The following ALG12 variants were observed in gnomAD, a reference collection of about 807,000 sequenced individuals.
ALG12 encodes dol-P-Man:Man(7)GlcNAc(2)-PP-Dol alpha-1,6-mannosyltransferase.
ALG12 carries 36 observed loss-of-function variants against 46.0 expected under a neutral mutation model. That is an observed-to-expected ratio of 0.78 (90% CI 0.60 to 1.03). The LOEUF is 1.03. Ranked by LOEUF, ALG12 falls within the 50% of genes least tolerant of loss-of-function variation. The pLI, the probability that ALG12 is intolerant of heterozygous loss-of-function variation, is 0.00. For synonymous variants in ALG12, 326 were observed against 291.6 expected (o/e 1.12, Z -1.20); for missense variants, 599 against 633.5 (o/e 0.95, Z 0.58).
At position 49,910,032 on chromosome 22, in the gene ALG12, A is replaced by T; in HGVS notation, c.526T>A (p.Ser176Thr). Residue 176 changes from serine to threonine, a missense_variant, in exon 5 of 10, where the codon TCA (serine) becomes ACA (threonine). Coordinates refer to ENST00000330817, the MANE Select transcript of ALG12 (RefSeq NM_024105.4). ...CTGAACACGATGATGGCGAAGGCTG[A>T]CAGCCAGATGAAGCGGGCCCACTCG... ...RHEWARFIWL[S>T]AFAIIVFRVE... is the part of the protein sequence containing the mutation. 6.2e-7 allele frequency: 1 copy of T among 1,613,554 alleles called. No individual in the cohort carries two copies. Among genetic ancestry groups the T allele is most frequent in the Non-Finnish European group, 8.5e-7 (1 of 1,179,904 alleles).
the ALG12 span, among the ~76,000 whole-genome samples, chr22:49,876,200 A>G: frequency 6.6e-6 from 1 of 152,292 alleles, no homozygotes; most frequent in South Asian, 2.1e-4. Context: ...TGTCCAGAGA[A>G]GAGTCTGTCT....
chr22:49,916,715 C>T (rs547041838), intron 1 of ALG12, among the ~76,000 whole-genome samples: 23 of 152,358 alleles, frequency 1.5e-4, no homozygotes, highest in African/African-American at 4.8e-4. Flanking sequence ...ACTCAGGAAG[C>T]TGACATGGGG....
the ALG12 span, chr22:49,886,775 C>T: frequency 1.2e-6 from 2 of 1,612,386 alleles, no homozygotes; most frequent in South Asian, 2.2e-5. The surrounding 1 kb of genome is among the most constrained non-coding windows in gnomAD (Gnocchi z 7.7). Context: ...CTCATGAATT[C>T]TACCTCAGAG....
At chr22:49,895,965 T>G (rs1046700857), downstream of ALG12, among the ~76,000 whole-genome samples, 1 of 152,180 alleles carries the variant, frequency 6.6e-6, no homozygotes, top group Non-Finnish European at 1.5e-5. Context: ...ATGCTGGGTC[T>G]CCTGTGAGCA....
chr22:49,911,460 A>G (rs1164142559), intron 3 of ALG12, among the ~76,000 whole-genome samples: 1 of 151,362 alleles, frequency 6.6e-6, no homozygotes, highest in Non-Finnish European at 1.5e-5. Context: ...TTAAGGACAG[A>G]GTTTCCCTCT....
At position 49,902,458 on chromosome 22, in the gene ALG12, T is replaced by C. The variant is rs2060516799; in HGVS notation, c.*1380A>G. 7.0e-6 allele frequency: 1 copy of C among 142,888 alleles called. No homozygotes were observed. The highest frequency in any genetic ancestry group is 1.5e-5 in the Non-Finnish European group (1 of 66,222). 8.9% of individuals were successfully genotyped at this position (142,888 alleles called of 1,614,324 possible). A position where few individuals can be genotyped will look rare whatever the true frequency, so the allele number is the denominator to read the frequency against. ...TGTGCACGTGTGCACTGTGTATGCA[T>C]GGTGTGTGCACGTGTGCACTGTGTG... On this transcript the variant is annotated 3_prime_UTR_variant, in exon 10 of 10. Coordinates refer to ENST00000330817, the MANE Select transcript of ALG12 (RefSeq NM_024105.4).
At chr22:49,913,104 C>T (rs1226143600) in intron 3 of ALG12, among the ~76,000 whole-genome samples, 1 of 152,200 alleles carries the variant, frequency 6.6e-6, no homozygotes, top group African/African-American at 2.4e-5. Context: ...GCGGGAGCAG[C>T]AGGCTCAGGT....
At position 49,903,910 on chromosome 22, in the gene ALG12, G is replaced by T; in HGVS notation, c.1395C>A (p.Thr465=). 6.2e-7 allele frequency: 1 copy of T among 1,614,148 alleles called. No individual in the cohort carries two copies. Among genetic ancestry groups the T allele is most frequent in the Non-Finnish European group, 8.5e-7 (1 of 1,180,002 alleles). ...GGTGGACGTTGAAGGGGGGCAGTTG[G>T]GTCAGGTTCAGACTCACACCTGTGG... is the stretch of plus-strand genomic sequence containing the variant. ...VGTTGVSLNL[T]QLPPFNVHLQ... is the part of the protein sequence containing the mutation. The change falls in exon 10 of 10, where the codon ACC becomes ACA. Residue 465 remains threonine (T), a synonymous_variant. Transcript: ENST00000330817.
the ALG12 span, among the ~76,000 whole-genome samples, chr22:49,878,705 C>G: frequency 7.2e-5 from 11 of 152,124 alleles, no homozygotes; most frequent in African/African-American, 2.7e-4. Flanking sequence ...GTGAAGTGGA[C>G]TTCATCAAAA....
chr22:49,887,013 G>A, the ALG12 span: 1 of 1,614,080 alleles, frequency 6.2e-7, no homozygotes, highest in Non-Finnish European at 8.5e-7. Context: ...TGTCCGCGCT[G>A]GCCGTCAGAT....
the ALG12 span, among the ~76,000 whole-genome samples, chr22:49,893,620 T>C: frequency 2.0e-5 from 3 of 152,166 alleles, no homozygotes; most frequent in Non-Finnish European, 2.9e-5. Flanking sequence ...TGCAGAAACT[T>C]GTCACCAGCC....
intron 5 of ALG12, among the ~76,000 whole-genome samples, 181 bp from the exon 6 acceptor site, chr22:49,909,528 T>C (rs2060563238): frequency 6.6e-6 from 1 of 152,030 alleles, no homozygotes; most frequent in African/African-American, 2.4e-5. Context: ...ATCATGCCAC[T>C]GCACTCCATC....
At chr22:49,863,706 C>A in the ALG12 span, among the ~76,000 whole-genome samples, 1 of 151,850 alleles carries the variant, frequency 6.6e-6, no homozygotes, top group East Asian at 1.9e-4. Context: ...AGATAAACCT[C>A]TTCTTATCCA....
chr22:49,888,227 G>A, the ALG12 span: 1 of 167,040 alleles, frequency 6.0e-6, no homozygotes, highest in East Asian at 1.9e-4. Context: ...GATTTTAAAA[G>A]TTATGTCTTC....
At chr22:49,891,997 G>C in the ALG12 span, among the ~76,000 whole-genome samples, 1 of 151,802 alleles carries the variant, frequency 6.6e-6, no homozygotes, top group African/African-American at 2.4e-5. Context: ...TTGCATCCTG[G>C]CTAAAACAGT....
chr22:49,885,873 T>C, the ALG12 span: 1 of 1,302,216 alleles, frequency 7.7e-7, no homozygotes, highest in Non-Finnish European at 1.1e-6. Flanking sequence ...TATGGATGAG[T>C]AACCAGACCC....
chr22:49,865,919 C>T, the ALG12 span, among the ~76,000 whole-genome samples: 1 of 151,248 alleles, frequency 6.6e-6, no homozygotes, highest in South Asian at 2.1e-4. Flanking sequence ...ACTATATTGC[C>T]CAGGCTGGTC....
At chr22:49,878,780 C>T in the ALG12 span, among the ~76,000 whole-genome samples, 1 of 151,992 alleles carries the variant, frequency 6.6e-6, no homozygotes, top group Non-Finnish European at 1.5e-5. Flanking sequence ...GGTGGATCAC[C>T]TGAGGTCAGG....
intron 3 of ALG12, among the ~76,000 whole-genome samples, chr22:49,911,697 G>A (rs1270695794): frequency 6.6e-6 from 1 of 152,110 alleles, no homozygotes; most frequent in Non-Finnish European, 1.5e-5. Flanking sequence ...GCCTCCCAAA[G>A]TGCTGGGATT....
Sources: allele counts gnomAD v4.1 joint callset (sites outside exome capture counted in the v4.1 genomes callset), GRCh38; gene constraint gnomAD v4.1.1; non-coding constraint Gnocchi (gnomAD v3.1); transcripts MANE v1.5; gene names NCBI Gene and HGNC (gene_info 2026-07-23, HGNC 2026-07-21).